MCF2L: variants seen among roughly 807,000 people sequenced by gnomAD.
MCF2L encodes the protein guanine nucleotide exchange factor DBS.
Under a neutral mutation model 153.4 loss-of-function variants are expected in MCF2L, and 97 were observed. The ratio of observed to expected loss-of-function variants is 0.63; its 90% CI spans 0.54 to 0.75. MCF2L has a LOEUF of 0.75. MCF2L is among the 30% of genes least tolerant of loss of function. MCF2L has a pLI of 0.00. For synonymous variants in MCF2L, 659 were observed against 632.2 expected, an observed-to-expected ratio of 1.04 and a Z score of -0.64; for missense variants, 1,347 against 1,495.2, an observed-to-expected ratio of 0.90 and a Z score of 1.64.
chr13:113,006,975 G>A (rs1167240550), intron 1 of MCF2L, among the ~76,000 whole-genome samples: 1 of 152,170 alleles, frequency 6.6e-6, no homozygotes, highest in Non-Finnish European at 1.5e-5. Context: ...TGGGGGAGAG[G>A]GTGGCAGGGT....
intron 2 of MCF2L, among the ~76,000 whole-genome samples, chr13:113,024,239 T>C (rs1008114024): frequency 2.0e-5 from 3 of 152,374 alleles, no homozygotes; most frequent in Admixed American, 1.3e-4. Context: ...TGGAATATTA[T>C]GCAATATTTA....
intron 27 of MCF2L, chr13:113,095,478 G>A (rs2142139761): frequency 9.3e-7 from 1 of 1,073,274 alleles, no homozygotes; most frequent in East Asian, 9.1e-5. Flanking sequence ...CGGGGCCTGG[G>A]GAGGGATTTG....
In MCF2L at chr13:112,932,153, G is replaced by A. The variant is rs958242934; in HGVS notation, c.169+29782G>A. Among the ~76,000 whole-genome samples, 5 of 152,162 alleles carry A rather than the reference G, an allele frequency of 3.3e-5. No homozygotes were observed. The highest frequency in any genetic ancestry group is 1.2e-4 in the African/African-American group (5 of 41,426). On this transcript the variant is annotated intron_variant, in intron 2 of 29. Coordinates refer to the MCF2L transcript ENST00000375608. The surrounding 1 kb of genome is among the most constrained non-coding windows in gnomAD (Gnocchi z 4.6). ...GAGAAAGAGTAACTTCCCAGCAGAG[G>A]ACCTGACGACCTGAGCCAGGCAATC...
chr13:113,081,398 A>C (rs2034122342), intron 16 of MCF2L, 119 bp downstream of exon 16: 1 of 994,080 alleles, frequency 1.0e-6, no homozygotes, highest in Admixed American at 2.5e-5. Flanking sequence ...CATGTGAGAG[A>C]GCGCCCACAG....
intron 2 of MCF2L, chr13:112,917,540 T>G: frequency 4.3e-6 from 1 of 234,192 alleles, no homozygotes; most frequent in African/African-American, 2.2e-5. Flanking sequence ...TGCGGGCCCT[T>G]CTCTGCTGAA....
In MCF2L at chr13:112,951,997, C is replaced by T. The variant is rs192478165; in HGVS notation, c.169+49626C>T. ...AGTGGGAAGAGGGAAAAGGGCTTTC[C>T]TTTTAGGGAATTATGACCTTGACTG... On this transcript the variant is annotated intron_variant, in intron 2 of 29. Transcript: ENST00000375608. This position sits in a 1 kb window ranked among gnomAD's most constrained non-coding sequence, Gnocchi z 4.8. 9.9e-5 allele frequency among the ~76,000 whole-genome samples: 15 copies of T among 152,198 alleles called. No individual in the cohort carries two copies. Among genetic ancestry groups the T allele is most frequent in the African/African-American group, 2.9e-4 (12 of 41,568 alleles).
chr13:113,078,693 C>G lies in MCF2L; in HGVS notation c.1762C>G (p.Arg588Gly). ...KSEMSESRQG[R>G]GSAGEEEESL... ...TGAGATGAGTGAGAGCCGGCAGGGC[C>G]GCGGCTCAGCGGGGGAGGAGGAGGA... Residue 588 changes from arginine (R) to glycine (G), a missense_variant, in exon 15 of 30, where the codon CGC (arginine) becomes GGC (glycine). By Grantham distance (125) the Arg-to-Gly change is moderately radical (BLOSUM62 -2). Transcript: ENST00000535094. 2 of 1,611,312 alleles carry G rather than the reference C, an allele frequency of 1.2e-6. No homozygotes were observed. The highest frequency in any genetic ancestry group is 2.2e-5 in the South Asian group (2 of 90,884).
chr13:113,044,673 C>T (rs1440446379), intron 3 of MCF2L: 2 of 1,612,228 alleles, frequency 1.2e-6, no homozygotes, highest in Non-Finnish European at 1.7e-6. Flanking sequence ...CCAGGCTCAT[C>T]CGAGGACGGA....
At chr13:113,024,925 TC>T in intron 3 of MCF2L, 167 bp downstream of exon 3, 1 of 609,972 alleles carries the variant, frequency 1.6e-6, no homozygotes. Flanking sequence ...CTGTGAGATT[TC>T]CCCATCATGC....
intron 2 of MCF2L, among the ~76,000 whole-genome samples, chr13:112,958,763 C>T (rs1464566970): frequency 2.0e-5 from 3 of 152,316 alleles, no homozygotes; most frequent in African/African-American, 7.2e-5. Flanking sequence ...CAGCCCTGCT[C>T]GTGTGTGGGA....
At position 113,087,327 on chromosome 13, in the gene MCF2L, G is replaced by A. The variant is rs541284014; in HGVS notation, c.2466G>A (p.Leu822=). 16 of 1,613,404 alleles carry A rather than the reference G, an allele frequency of 9.9e-6. No homozygotes were observed. The highest frequency in any genetic ancestry group is 1.3e-5 in the African/African-American group (1 of 75,062). Residue 822 remains leucine (L), a synonymous_variant, in exon 22 of 30, where the codon CTG becomes CTA. Coordinates refer to ENST00000535094, the MANE Select transcript of MCF2L (RefSeq NM_001112732.3). ...HKRGHTKVKE[L]ARFKPMQRHL... is the part of the protein sequence containing the mutation. ...GGGGCCACACCAAGGTGAAGGAGCT[G>A]GCCAGGTTCAAGCCCATGCAGCGGC... is the stretch of plus-strand genomic sequence containing the variant.
At chr13:113,095,228 T>C in intron 27 of MCF2L, 1 of 1,219,680 alleles carries the variant, frequency 8.2e-7, no homozygotes, top group Non-Finnish European at 1.0e-6. Flanking sequence ...AAGTGTCTGC[T>C]GCACCTTCTG....
At chr13:113,087,540 C>G (rs964562583) in intron 22 of MCF2L, 84 bp downstream of exon 22, 2 of 1,183,964 alleles carry the variant, frequency 1.7e-6, no homozygotes, top group Non-Finnish European at 2.4e-6. Flanking sequence ...GAGGTGGCCA[C>G]GCTGACACCC....
intron 1 of MCF2L, among the ~76,000 whole-genome samples, chr13:112,976,437 G>A (rs1039712594): frequency 1.3e-5 from 2 of 152,168 alleles, no homozygotes; most frequent in African/African-American, 2.4e-5. Flanking sequence ...CTTTTAAAAC[G>A]AAACTTGTCA....
At position 113,074,299 on chromosome 13, in the gene MCF2L, C is replaced by A; in HGVS notation, c.997-145C>A. ...TGACCACTCGGGGCCGACTTTGCAC[C>A]TGTCTGACTGTGGTCCCTGCTTGAT... On this transcript the variant is annotated intron_variant, in intron 9 of 29. Transcript: ENST00000535094. The surrounding 1 kb of genome is among the most constrained non-coding windows in gnomAD (Gnocchi z 4.2). 1.3e-5 allele frequency: 13 copies of A among 1,032,976 alleles called. No individual in the cohort carries two copies. In the South Asian group the frequency reaches 2.1e-4, roughly 17 times the overall value. 64.0% of individuals were successfully genotyped at this position (1,032,976 alleles called of 1,614,324 possible). A position where few individuals can be genotyped will look rare whatever the true frequency, so the allele number is the denominator to read the frequency against.
intron 2 of MCF2L, chr13:112,910,045 A>G (rs1463644090): frequency 6.6e-6 from 1 of 152,282 alleles, no homozygotes; most frequent in Non-Finnish European, 1.5e-5. Flanking sequence ...GCAACAAAGG[A>G]TAGATATTTA....
At chr13:113,009,258 C>T (rs1238059764) in intron 1 of MCF2L, 1 of 152,242 alleles carries the variant, frequency 6.6e-6, no homozygotes, top group African/African-American at 2.4e-5. Flanking sequence ...TTTTGACCAT[C>T]TTTTCTGGCA....
rs1389062938 is a variant in MCF2L at position 113,058,498 on chromosome 13, G to A, written c.370-2095G>A. On this transcript the variant is annotated intron_variant, in intron 4 of 29. Transcript: ENST00000535094. ...TAGGTGCTGTGTGTTTGGGTGCTGA[G>A]TGGTGGGAGCTGAGTGTTTGGATGC... Among the ~76,000 whole-genome samples, 14 of 149,260 alleles carry A rather than the reference G, an allele frequency of 9.4e-5. No homozygotes were observed. The East Asian group carries it at 2.1e-3, about 22-fold the overall frequency.
At chr13:112,979,647 C>G in intron 1 of MCF2L, 2 of 1,612,746 alleles carry the variant, frequency 1.2e-6, no homozygotes, top group Non-Finnish European at 1.7e-6. Flanking sequence ...TTTGTAGCAG[C>G]CTTTGTGACA....
Sources: gnomAD v4.1 joint callset for allele counts (sites outside exome capture counted in the v4.1 genomes callset) on GRCh38, gnomAD v4.1.1 for gene constraint, Gnocchi (gnomAD v3.1) non-coding constraint, MANE v1.5 for transcripts, NCBI Gene and HGNC (gene_info 2026-07-23, HGNC 2026-07-21) for gene names.